SMYD3: variants seen among roughly 807,000 people sequenced by gnomAD.
The protein encoded by SMYD3 is histone-lysine N-methyltransferase SMYD3.
A neutral mutation model predicts 57.7 loss-of-function variants in SMYD3; 36 were observed. That is an observed-to-expected ratio of 0.62 (90% CI 0.48 to 0.82). SMYD3 has a LOEUF of 0.82. Among genes scored for constraint, SMYD3 ranks in the 40% least tolerant of loss-of-function variants. SMYD3 has a pLI of 0.00. For synonymous variants in SMYD3, 211 were observed against 195.0 expected (o/e 1.08, Z -0.68); for missense variants, 515 against 538.8 (o/e 0.96, Z 0.44).
chr1:246,273,218 C>T (rs112154473), intron 5 of SMYD3, among the ~76,000 whole-genome samples: 5,024 of 146,458 alleles, frequency 0.034, 126 homozygotes, highest in East Asian at 0.07. Context: ...GGCACAACCT[C>T]GGCTCACTAC....
intron 5 of SMYD3, among the ~76,000 whole-genome samples, chr1:246,248,055 A>G (rs535094773): frequency 6.6e-6 from 1 of 152,304 alleles, no homozygotes; most frequent in Admixed American, 6.5e-5. Context: ...TTGGGTCTCA[A>G]CTGAAATAGT....
intron 10 of SMYD3, among the ~76,000 whole-genome samples, chr1:245,812,290 G>A (rs1347409979): frequency 6.6e-6 from 1 of 152,168 alleles, no homozygotes; most frequent in Non-Finnish European, 1.5e-5. Flanking sequence ...TTTGCATAGA[G>A]GACAAGCTTG....
chr1:246,304,492 G>C (rs941955954), intron 5 of SMYD3, among the ~76,000 whole-genome samples: 1 of 152,004 alleles, frequency 6.6e-6, no homozygotes, highest in South Asian at 2.1e-4. Context: ...CTGAAAATAT[G>C]ATAAAAATAG....
chr1:245,909,517 C>CA (rs2054818069), intron 8 of SMYD3, among the ~76,000 whole-genome samples: 1 of 151,966 alleles, frequency 6.6e-6, no homozygotes, highest in African/African-American at 2.4e-5. Context: ...GGCACAACAA[C>CA]AAAAAACTAA....
chr1:245,804,386 T>C (rs953130672), intron 10 of SMYD3, among the ~76,000 whole-genome samples: 1 of 151,904 alleles, frequency 6.6e-6, no homozygotes, highest in East Asian at 1.9e-4. Flanking sequence ...ATCCAGACCA[T>C]CCTGGCTAAT....
intron 1 of SMYD3, among the ~76,000 whole-genome samples, chr1:246,374,853 G>C (rs896609804): frequency 6.6e-6 from 1 of 151,914 alleles, no homozygotes; most frequent in Non-Finnish European, 1.5e-5. Context: ...AGCAGTTTGG[G>C]GGGCCGAGGC....
intron 5 of SMYD3, among the ~76,000 whole-genome samples, chr1:246,032,891 T>C (rs2059703098): frequency 6.6e-6 from 1 of 152,206 alleles, no homozygotes; most frequent in African/African-American, 2.4e-5. Context: ...TAACTAGTTA[T>C]GTAATTTTGG....
In SMYD3 at chr1:245,864,635, C is replaced by T. The variant is rs142854251; in HGVS notation, c.814-749G>A. 1.7e-3 allele frequency among the ~76,000 whole-genome samples: 263 copies of T among 152,214 alleles called. 3 individuals are homozygous for T. The East Asian group carries it at 0.04, about 23-fold the overall frequency. On this transcript the variant is annotated intron_variant, in intron 8 of 11. Coordinates refer to ENST00000490107, the MANE Select transcript of SMYD3 (RefSeq NM_001167740.2). ...ATTGGAGGGAACTGGAGAGTCACTG[C>T]TAATGGGTAGGAGTTTCTTCTGGGG...
At chr1:246,435,546 C>T (rs568662175) in intron 1 of SMYD3, among the ~76,000 whole-genome samples, 1 of 151,842 alleles carries the variant, frequency 6.6e-6, no homozygotes, top group South Asian at 2.1e-4. Flanking sequence ...AAGAGGTATT[C>T]TGAGTAACTG....
chr1:246,176,855 T>G (rs898382438), intron 5 of SMYD3, among the ~76,000 whole-genome samples: 2 of 152,176 alleles, frequency 1.3e-5, no homozygotes, highest in Non-Finnish European at 2.9e-5. Context: ...ACTGGTAATA[T>G]TGGCTCTTCC....
At chr1:246,167,958 C>T (rs968759100) in intron 5 of SMYD3, among the ~76,000 whole-genome samples, 7 of 152,156 alleles carry the variant, frequency 4.6e-5, no homozygotes, top group African/African-American at 1.7e-4. Flanking sequence ...GTCCTTTGGT[C>T]ATTTTTAAGC....
chr1:246,054,873 TAA>T (rs749022916), intron 5 of SMYD3, among the ~76,000 whole-genome samples: 4,608 of 79,080 alleles, frequency 0.058, 240 homozygotes, highest in African/African-American at 0.17. Context: ...AGGATGACTA[TAA>T]AAAAAAAAAA....
intron 11 of SMYD3, among the ~76,000 whole-genome samples, chr1:245,755,288 G>A (rs1169137438): frequency 1.3e-5 from 2 of 152,122 alleles, no homozygotes; most frequent in African/African-American, 4.8e-5. Flanking sequence ...ATCTTTTTAT[G>A]TTTATTGATA....
intron 10 of SMYD3, among the ~76,000 whole-genome samples, chr1:245,840,086 G>T (rs889123911): frequency 4.6e-5 from 7 of 152,074 alleles, no homozygotes; most frequent in Admixed American, 4.6e-4. Context: ...TTTAACATGT[G>T]ATAACCAGCA....
intron 9 of SMYD3, among the ~76,000 whole-genome samples, chr1:245,858,878 A>C (rs1019521016): frequency 1.3e-5 from 2 of 152,162 alleles, no homozygotes; most frequent in African/African-American, 2.4e-5. Flanking sequence ...ACATCAACAA[A>C]CTATCTCGTA....
rs372306159 is a variant in SMYD3, at chr1:246,125,026, C to T, written c.532-195089G>A. On this transcript the variant is annotated intron_variant, in intron 5 of 11. Coordinates refer to ENST00000490107, the MANE Select transcript of SMYD3 (RefSeq NM_001167740.2). ...GGCGGAGCTTGCAGTGAGCCGAGAT[C>T]GCGCCACTGCACTCCAGCCTGGGCG... Among the ~76,000 whole-genome samples the T allele has an allele frequency of 2.0e-3, 296 of 149,466 alleles. 2 individuals carry two copies. Among genetic ancestry groups the T allele is most frequent in the African/African-American group, 7.0e-3 (283 of 40,590 alleles).
intron 5 of SMYD3, among the ~76,000 whole-genome samples, chr1:245,954,203 T>C (rs1442490783): frequency 6.6e-6 from 1 of 152,224 alleles, no homozygotes; most frequent in Non-Finnish European, 1.5e-5. Flanking sequence ...TAAATGCTTG[T>C]AGTAAACATT....
At chr1:245,794,834 T>C (rs111545361) in intron 10 of SMYD3, among the ~76,000 whole-genome samples, 3,859 of 152,326 alleles carry the variant, frequency 0.025, 155 homozygotes, top group African/African-American at 0.088. Context: ...TTGGTTCTGT[T>C]CCTATTCTCC....
At chr1:246,393,770 T>G (rs533702190) in intron 1 of SMYD3, among the ~76,000 whole-genome samples, 2 of 151,732 alleles carry the variant, frequency 1.3e-5, no homozygotes, top group Non-Finnish European at 2.9e-5. Flanking sequence ...GTAGGAGGAC[T>G]GCTTGACCCT....
Sources: allele counts gnomAD v4.1 joint callset (sites outside exome capture counted in the v4.1 genomes callset), GRCh38; gene constraint gnomAD v4.1.1; transcripts MANE v1.5; gene names NCBI Gene and HGNC (gene_info 2026-07-23, HGNC 2026-07-21).